Variants in LDHAL6A observed in about 807,000 individuals in gnomAD.
LDHAL6A encodes the protein lactate dehydrogenase A like 6A.
LDHAL6A carries 19 observed loss-of-function variants against 28.2 expected under a neutral mutation model. The ratio of observed to expected loss-of-function variants is 0.67; its 90% confidence interval spans 0.47 to 0.99. The LOEUF (loss-of-function observed/expected upper bound fraction) is 0.99. Ranked by LOEUF, LDHAL6A falls within the 50% of genes least tolerant of loss-of-function variation. LDHAL6A has a pLI of 0.00. For synonymous variants in LDHAL6A, 144 were observed against 134.4 expected (o/e 1.07, Z -0.49); for missense variants, 372 against 398.6 (o/e 0.93, Z 0.57).
intron 3 of LDHAL6A, among the ~76,000 whole-genome samples, chr11:18,469,922 G>A (rs1435391603): frequency 2.0e-5 from 3 of 151,872 alleles, no homozygotes; most frequent in Non-Finnish European, 4.4e-5. Flanking sequence ...TTTCCCCCCC[G>A]AATGATAATT....
intron 2 of LDHAL6A, among the ~76,000 whole-genome samples, chr11:18,465,001 T>TTTTTTTTTTTTTTTTTTTTTTG (rs1849025165): frequency 1.5e-4 from 21 of 144,476 alleles, no homozygotes; most frequent in African/African-American, 5.4e-4. Flanking sequence ...TGTTTTGTTT[T>TTTTTTTTTTTTTTTTTTTTTTG]GGTTTGTTTT....
chr11:18,461,274 A>T (rs1848894050), intron 1 of LDHAL6A, among the ~76,000 whole-genome samples: 1 of 151,740 alleles, frequency 6.6e-6, no homozygotes, highest in Admixed American at 6.6e-5. Flanking sequence ...CTTCCCGAGT[A>T]GCTGGGACTA....
chr11:18,457,478 C>A (rs991951005), intron 1 of LDHAL6A, among the ~76,000 whole-genome samples: 1 of 151,970 alleles, frequency 6.6e-6, no homozygotes, highest in African/African-American at 2.4e-5. Context: ...TTTTATATAA[C>A]CTTTAATCCT....
chr11:18,470,007 C>T (rs1327901385), intron 3 of LDHAL6A, among the ~76,000 whole-genome samples: 1 of 152,152 alleles, frequency 6.6e-6, no homozygotes, highest in African/African-American at 2.4e-5. Flanking sequence ...CGGCTCACTG[C>T]AATCTCCGCC....
intron 2 of LDHAL6A, 95 bp from the exon 3 acceptor site, chr11:18,465,542 G>A: frequency 8.1e-6 from 8 of 986,256 alleles, no homozygotes; most frequent in Non-Finnish European, 1.0e-5. Context: ...CCACTCTTTG[G>A]TAAACATAGT....
intron 1 of LDHAL6A, among the ~76,000 whole-genome samples, chr11:18,462,465 G>A (rs543084368): frequency 2.0e-5 from 3 of 151,544 alleles, no homozygotes; most frequent in Non-Finnish European, 4.4e-5. Flanking sequence ...GTGAAACCCC[G>A]TCTCTACTAA....
chr11:18,477,490 T>A (rs917679851), intron 5 of LDHAL6A, 130 bp from the exon 6 acceptor site: 1 of 793,722 alleles, frequency 1.3e-6, no homozygotes, highest in Non-Finnish European at 1.9e-6. Context: ...GCATACATAC[T>A]ACAAGTAATT....
chr11:18,476,509 G>A lies in LDHAL6A; in HGVS notation c.710+8G>A, dbSNP rs766291629. 30 of 1,612,746 alleles carry A rather than the reference G, an allele frequency of 1.9e-5. No homozygotes were observed. In the South Asian group the frequency reaches 3.0e-4, roughly 16 times the overall value. ...CAAAAAAGTGATTTCCAGGTAATAT[G>A]CTAGTTTCACATTTTCAGTACCTTA... On this transcript the variant is annotated splice_region_variant and intron_variant, in intron 5 of 6. Transcript: ENST00000280706.
At chr11:18,465,567 G>A (rs1285213126) in intron 2 of LDHAL6A, 70 bp from the exon 3 acceptor site, 1 of 1,319,790 alleles carries the variant, frequency 7.6e-7, no homozygotes, top group East Asian at 2.3e-5. Flanking sequence ...TGATTGAAGT[G>A]AACAGGAAGT....
intron 3 of LDHAL6A, among the ~76,000 whole-genome samples, chr11:18,474,968 C>T (rs879498115): frequency 2.2e-4 from 33 of 152,254 alleles, no homozygotes; most frequent in Admixed American, 1.2e-3. Context: ...AGGCCAGGCA[C>T]GGTGGCTCAC....
In LDHAL6A at chr11:18,476,707, AC is replaced by A. The variant is rs1170846165; in HGVS notation, c.710+209del. The A allele has an allele frequency of 9.4e-6, 7 of 743,698 alleles. No individual in the cohort carries two copies. In the African/African-American group the frequency reaches 1.3e-4, roughly 14 times the overall value. 46.1% of individuals were successfully genotyped at this position (743,698 alleles called of 1,614,324 possible). On this transcript the variant is annotated intron_variant, in intron 5 of 6. Transcript: ENST00000280706. ...TCTGTGTTGCTTATTCCTGAGCCTAACCCAGTATTGAGCACATGGTAGGGGC... is the reference window on the plus strand; with the variant it reads ...TCTGTGTTGCTTATTCCTGAGCCTAACCAGTATTGAGCACATGGTAGGGGC...
chr11:18,473,587 C>T lies in LDHAL6A; in HGVS notation c.419-1879C>T, dbSNP rs150979795. 1.6e-4 allele frequency among the ~76,000 whole-genome samples: 25 copies of T among 152,202 alleles called. No individual in the cohort carries two copies. The East Asian group carries it at 3.3e-3, about 20-fold the overall frequency. ...CTACTTTTTACATTTTGTAGAGACGCGGTCTTGTTATGTTGCCCAGGCTGG... is the reference window on the plus strand; with the variant it reads ...CTACTTTTTACATTTTGTAGAGACGTGGTCTTGTTATGTTGCCCAGGCTGG... On this transcript the variant is annotated intron_variant, in intron 3 of 6. Coordinates refer to ENST00000280706, the MANE Select transcript of LDHAL6A (RefSeq NM_144972.5).
At position 18,475,605 on chromosome 11, in the gene LDHAL6A, T is replaced by C; in HGVS notation, c.558T>C (p.His186=). 6.2e-7 allele frequency: 1 copy of C among 1,614,168 alleles called. No individual in the cohort carries two copies. The change falls in exon 4 of 7, where the codon CAT becomes CAC. Residue 186 remains histidine, a synonymous_variant. Transcript: ENST00000280706. ...TTGGCATCCACTCTGAAAGCTGTCA[T>C]GGGCTGATCCTTGGAGAGCATGGCG... ...QRLGIHSESC[H]GLILGEHGDS... is the part of the protein sequence containing the mutation.
At chr11:18,468,328 T>A (rs1325943044) in intron 3 of LDHAL6A, 1 of 150,050 alleles carries the variant, frequency 6.7e-6, no homozygotes, top group Non-Finnish European at 1.5e-5. Flanking sequence ...GCAGCTTGGA[T>A]GTATAGGTTT....
At chr11:18,464,701 G>A (rs1438061725) in intron 2 of LDHAL6A, among the ~76,000 whole-genome samples, 1 of 148,418 alleles carries the variant, frequency 6.7e-6, no homozygotes, top group Non-Finnish European at 1.5e-5. Context: ...GGCAACAAGA[G>A]TGAAACTCTG....
chr11:18,468,614 A>G (rs1849182605), intron 3 of LDHAL6A: 2 of 152,154 alleles, frequency 1.3e-5, no homozygotes, highest in Admixed American at 6.6e-5. Flanking sequence ...TGCTGGGACT[A>G]CAGGCATGAG....
chr11:18,457,988 T>C (rs982794539), intron 1 of LDHAL6A, among the ~76,000 whole-genome samples: 1 of 152,076 alleles, frequency 6.6e-6, no homozygotes, highest in Non-Finnish European at 1.5e-5. Flanking sequence ...AGTATACAGG[T>C]AATATATATA....
intron 1 of LDHAL6A, among the ~76,000 whole-genome samples, chr11:18,460,250 A>G (rs1172341867): frequency 1.3e-5 from 2 of 152,256 alleles, no homozygotes; most frequent in East Asian, 3.9e-4. Flanking sequence ...CCTAGGCAAC[A>G]AAGCAAGACC....
rs2133896425 is a variant in LDHAL6A, at chr11:18,479,144, G to A, written c.*274G>A. On this transcript the variant is annotated 3_prime_UTR_variant, in exon 7 of 7. Transcript: ENST00000280706. ...CCCACTTCAGCCTCCAGAGTAGGTG[G>A]GACCACATGCGTGTGCCTCCATGCC... The A allele has an allele frequency of 3.8e-6, 1 of 262,764 alleles. No individual in the cohort carries two copies. Among genetic ancestry groups the A allele is most frequent in the East Asian group, 8.9e-5 (1 of 11,244 alleles). 16.3% of individuals were successfully genotyped at this position (262,764 alleles called of 1,614,324 possible). A position where few individuals can be genotyped will look rare whatever the true frequency, so the allele number is the denominator to read the frequency against.
Sources: gnomAD v4.1 joint callset for allele counts (sites outside exome capture counted in the v4.1 genomes callset) on GRCh38, gnomAD v4.1.1 for gene constraint, MANE v1.5 for transcripts, NCBI Gene and HGNC (gene_info 2026-07-23, HGNC 2026-07-21) for gene names.